Variants in PLEKHG6 observed in about 807,000 individuals in gnomAD.
PLEKHG6 encodes pleckstrin homology domain-containing family G member 6.
In PLEKHG6, 91 loss-of-function variants were observed where a neutral mutation model predicts 97.5. That is an observed-to-expected ratio of 0.93 (90% CI 0.79 to 1.11). The LOEUF is 1.11. Ranked by LOEUF, PLEKHG6 falls within the 50% of genes most tolerant of loss-of-function variation. The probability of loss-of-function intolerance (pLI) is 0.00; values close to 1 mark genes in which losing one functional copy is unlikely to be tolerated. For synonymous variants in PLEKHG6, 466 were observed against 425.5 expected (o/e 1.10, Z -1.17); for missense variants, 1,044 against 1,031.0 (o/e 1.01, Z -0.17).
chr12:6,318,690 C>T (rs1226946726), intron 11 of PLEKHG6, 55 bp from the exon 12 acceptor site: 10 of 1,586,910 alleles, frequency 6.3e-6, no homozygotes, highest in Non-Finnish European at 8.6e-6. Flanking sequence ...CCCGGACCAG[C>T]CCTGCCCCTG....
chr12:6,317,952 G>A lies in PLEKHG6; in HGVS notation c.1113G>A (p.Gly371=). The change falls in exon 10 of 16, where the codon GGG becomes GGA. Residue 371 remains glycine, a synonymous_variant. Transcript: ENST00000684764. Reference sequence around the variant, plus strand: ...TGGCGGCTGCAGCACAACGCATCGGGCCCTACGAGGTGCTGGAGCCACCCA... The same window carrying A: ...TGGCGGCTGCAGCACAACGCATCGGACCCTACGAGGTGCTGGAGCCACCCA... ...ESLAAAAQRI[G]PYEVLEPPSD... 1 of 1,584,586 alleles carries A rather than the reference G, an allele frequency of 6.3e-7. No homozygotes were observed. The highest frequency in any genetic ancestry group is 8.6e-7 in the Non-Finnish European group (1 of 1,165,592).
At chr12:6,319,444 A>G in intron 13 of PLEKHG6, 1 of 1,224,778 alleles carries the variant, frequency 8.2e-7, no homozygotes, top group Non-Finnish European at 1.1e-6. Flanking sequence ...TGAGACCCTG[A>G]AGAAGAAGGA....
intron 13 of PLEKHG6, among the ~76,000 whole-genome samples, chr12:6,320,274 CAGG>C (rs566949614): frequency 9.9e-4 from 151 of 152,192 alleles, no homozygotes; most frequent in African/African-American, 3.5e-3. Flanking sequence ...AGATAAAAAG[CAGG>C]AGGAGTTCAA....
chr12:6,327,999 T>C (rs1947933653), intron 15 of PLEKHG6, 53 bp downstream of exon 15: 3 of 1,500,814 alleles, frequency 2.0e-6, no homozygotes, highest in Non-Finnish European at 2.7e-6. Context: ...GATGTCTGTA[T>C]GGTGGTGGGG....
intron 13 of PLEKHG6, among the ~76,000 whole-genome samples, chr12:6,325,776 T>G (rs1413056713): frequency 1.3e-5 from 2 of 152,170 alleles, no homozygotes; most frequent in African/African-American, 4.8e-5. Flanking sequence ...ATAACAGGTC[T>G]GCCAATGGGA....
Position 6,316,492 on chromosome 12 carries a change from A to G in PLEKHG6, c.756+88A>G. ...TGTAGGGCATGCCCACAGTATGCAA[A>G]TCTCTGTGATTTGAGGGGCCGCAGG... On this transcript the variant is annotated intron_variant, in intron 7 of 15. Transcript: ENST00000684764. The surrounding 1 kb of genome is among the most constrained non-coding windows in gnomAD (Gnocchi z 4.1). The G allele has an allele frequency of 7.8e-7, 1 of 1,277,050 alleles. No individual in the cohort carries two copies. The highest frequency in any genetic ancestry group is 1.1e-6 in the Non-Finnish European group (1 of 944,736). The allele number at this position is 1,277,050 out of a possible 1,614,324, so 79.1% of individuals were successfully genotyped here.
At chr12:6,312,099 C>G (rs1947290294) in intron 1 of PLEKHG6, 60 bp from the exon 2 acceptor site, 1 of 800,194 alleles carries the variant, frequency 1.2e-6, no homozygotes, top group Non-Finnish European at 1.8e-6. Flanking sequence ...CCTTGGTCTC[C>G]CGCCTGGTGC....
At position 6,319,039 on chromosome 12, in the gene PLEKHG6, C is replaced by T. The variant is rs755835249; in HGVS notation, c.1455C>T (p.Ser485=). Residue 485 remains serine, a synonymous_variant, in exon 13 of 16, where the codon AGC becomes AGT. Transcript: ENST00000684764. The stretch of plus-strand genomic sequence containing the variant: ...TCACTGAATTCCAGTGTGTCTCCAG[C>T]GCCCTCCTTGTGCACTGTCCCAGTC... ...IHLTEFQCVS[S]ALLVHCPSPT... The T allele has an allele frequency of 7.8e-5, 126 of 1,613,848 alleles. No individual in the cohort carries two copies. The highest frequency in any genetic ancestry group is 2.1e-4 in the African/African-American group (16 of 74,926).
chr12:6,324,563 G>A (rs1004961942), intron 13 of PLEKHG6, among the ~76,000 whole-genome samples: 1 of 152,116 alleles, frequency 6.6e-6, no homozygotes, highest in Non-Finnish European at 1.5e-5. Context: ...TGGGAGATGA[G>A]GCCTGGGAAA....
At chr12:6,321,404 G>C (rs1022915878) in intron 13 of PLEKHG6, among the ~76,000 whole-genome samples, 2 of 152,140 alleles carry the variant, frequency 1.3e-5, no homozygotes, top group Non-Finnish European at 2.9e-5. Flanking sequence ...GCAGTGTGCT[G>C]GGTGGGCTGG....
In PLEKHG6 at chr12:6,315,964, G is replaced by C. The variant is rs1244244153; in HGVS notation, c.606+45G>C. On this transcript the variant is annotated intron_variant, in intron 6 of 15. Coordinates refer to ENST00000684764, the MANE Select transcript of PLEKHG6 (RefSeq NM_001384598.1). This position sits in a 1 kb window ranked among gnomAD's most constrained non-coding sequence, Gnocchi z 4.5. ...GGGACCCTGGCACAGCCCGACCTCTGAGCCTGGGGATGAGGGTGGGCCCTC... is the reference window on the plus strand; with the variant it reads ...GGGACCCTGGCACAGCCCGACCTCTCAGCCTGGGGATGAGGGTGGGCCCTC... The C allele has an allele frequency of 6.6e-7, 1 of 1,508,934 alleles. No individual in the cohort carries two copies. The highest frequency in any genetic ancestry group is 2.4e-5 in the East Asian group (1 of 41,358). 93.5% of individuals were successfully genotyped at this position (1,508,934 alleles called of 1,614,324 possible).
In PLEKHG6 at chr12:6,328,229, T is replaced by C; in HGVS notation, c.*84T>C. ...CTGGTCACCCTCCGGCATCTGTGAC[T>C]CTACCTCAAGGACCACATTTCCCAA... is the stretch of plus-strand genomic sequence containing the variant. On this transcript the variant is annotated 3_prime_UTR_variant, in exon 16 of 16. Coordinates refer to ENST00000684764, the MANE Select transcript of PLEKHG6 (RefSeq NM_001384598.1). The C allele has an allele frequency of 1.4e-6, 2 of 1,393,544 alleles. No homozygotes were observed. Among genetic ancestry groups the C allele is most frequent in the Non-Finnish European group, 2.0e-6 (2 of 983,240 alleles). The allele number at this position is 1,393,544 out of a possible 1,614,324, so 86.3% of individuals were successfully genotyped here. A position where few individuals can be genotyped will look rare whatever the true frequency, so the allele number is the denominator to read the frequency against.
chr12:6,319,207 G>A, intron 13 of PLEKHG6, 99 bp downstream of exon 13: 1 of 784,736 alleles, frequency 1.3e-6, no homozygotes, highest in Non-Finnish European at 2.1e-6. Flanking sequence ...CAGCACTTTG[G>A]GAGGCTGAGG....
At position 6,315,982 on chromosome 12, in the gene PLEKHG6, G is replaced by T. The variant is rs984388559; in HGVS notation, c.606+63G>T. On this transcript the variant is annotated intron_variant, in intron 6 of 15. Coordinates refer to ENST00000684764, the MANE Select transcript of PLEKHG6 (RefSeq NM_001384598.1). The surrounding 1 kb of genome is among the most constrained non-coding windows in gnomAD (Gnocchi z 4.5). The stretch of plus-strand genomic sequence containing the variant: ...GACCTCTGAGCCTGGGGATGAGGGT[G>T]GGCCCTCCAGCCATCCCTGTCTGAA... 1.8e-5 allele frequency: 25 copies of T among 1,404,852 alleles called. No individual in the cohort carries two copies. Among genetic ancestry groups the T allele is most frequent in the Admixed American group, 4.3e-5 (2 of 46,720 alleles). 87.0% of individuals were successfully genotyped at this position (1,404,852 alleles called of 1,614,324 possible). A position where few individuals can be genotyped will look rare whatever the true frequency, so the allele number is the denominator to read the frequency against.
rs1307993320 is a variant in PLEKHG6, at chr12:6,317,362, T to A, written c.816T>A (p.Ala272=). The A allele has an allele frequency of 1.2e-6, 2 of 1,614,132 alleles. No individual in the cohort carries two copies. The highest frequency in any genetic ancestry group is 2.2e-5 in the East Asian group (1 of 44,894). The part of the protein sequence containing the change: ...QYCLRVKQTM[A]YAREQQETNP... ...GCCTCCGAGTGAAGCAGACCATGGCTTACGCCCGAGAACAGCAAGAAACTA... is the reference window on the plus strand; with the variant it reads ...GCCTCCGAGTGAAGCAGACCATGGCATACGCCCGAGAACAGCAAGAAACTA... The change falls in exon 8 of 16, where the codon GCT becomes GCA. Residue 272 remains alanine, a synonymous_variant. Coordinates refer to ENST00000684764, the MANE Select transcript of PLEKHG6 (RefSeq NM_001384598.1).
At position 6,327,674 on chromosome 12, in the gene PLEKHG6, C is replaced by A; in HGVS notation, c.2091C>A (p.Ser697=). 1 of 1,563,768 alleles carries A rather than the reference C, an allele frequency of 6.4e-7. No individual in the cohort carries two copies. The highest frequency in any genetic ancestry group is 2.3e-5 in the East Asian group (1 of 43,266). ...RARLRGQLPS[S]PTHADSAGES... Reference sequence around the variant, plus strand: ...GGCTTCGGGGCCAGCTTCCCTCCTCCCCAACCCATGCTGACTCTGCCGGGG... The same window carrying A: ...GGCTTCGGGGCCAGCTTCCCTCCTCACCAACCCATGCTGACTCTGCCGGGG... The change falls in exon 15 of 16, where the codon TCC becomes TCA. Residue 697 remains serine, a synonymous_variant. Coordinates refer to ENST00000684764, the MANE Select transcript of PLEKHG6 (RefSeq NM_001384598.1).
chr12:6,327,586 C>G lies in PLEKHG6; in HGVS notation c.2003C>G (p.Ser668Cys), dbSNP rs1947908704. 6.3e-7 allele frequency: 1 copy of G among 1,592,924 alleles called. No homozygotes were observed. The highest frequency in any genetic ancestry group is 8.5e-7 in the Non-Finnish European group (1 of 1,169,990). The part of the protein sequence containing the change: ...SLPQEDPPTW[S>C]EEEDGASERG... ...CCCCAGGAAGACCCACCAACCTGGT[C>G]TGAGGAAGAAGATGGGGCCTCCGAG... Residue 668 changes from serine to cysteine, a missense_variant, in exon 15 of 16, where the codon TCT becomes TGT. Physicochemically the swap from Ser to Cys is moderately radical, Grantham distance 112. Coordinates refer to ENST00000684764, the MANE Select transcript of PLEKHG6 (RefSeq NM_001384598.1).
intron 13 of PLEKHG6, among the ~76,000 whole-genome samples, chr12:6,321,782 G>T (rs373036916): frequency 7.3e-6 from 1 of 136,908 alleles, no homozygotes; most frequent in Non-Finnish European, 1.5e-5. Flanking sequence ...AGCCGAGATC[G>T]CGCCACTGCA....
In PLEKHG6 at chr12:6,313,492, T is replaced by C. The variant is rs911848595; in HGVS notation, c.139-137T>C. 7 of 1,037,242 alleles carry C rather than the reference T, an allele frequency of 6.7e-6. No homozygotes were observed. In the African/African-American group the frequency reaches 9.6e-5, roughly 14 times the overall value. The allele number at this position is 1,037,242 out of a possible 1,614,324, so 64.3% of individuals were successfully genotyped here. A position where few individuals can be genotyped will look rare whatever the true frequency, so the allele number is the denominator to read the frequency against. On this transcript the variant is annotated intron_variant, in intron 2 of 15. Transcript: ENST00000684764. ...CAGGAGCAGTCCACACCAAACTGGT[T>C]TGCAGGGAGAAGTGAGCCAGCCCGA...
Sources: allele counts gnomAD v4.1 joint callset (sites outside exome capture counted in the v4.1 genomes callset), GRCh38; gene constraint gnomAD v4.1.1; non-coding constraint Gnocchi (gnomAD v3.1); transcripts MANE v1.5; gene names NCBI Gene and HGNC (gene_info 2026-07-23, HGNC 2026-07-21).